FAM81A: variants seen among roughly 807,000 people sequenced by gnomAD.
FAM81A encodes the protein family with sequence similarity 81 member A.
FAM81A carries 19 observed loss-of-function variants against 46.7 expected under a neutral mutation model. The ratio of observed to expected loss-of-function variants is 0.41; its 90% confidence interval spans 0.28 to 0.60. The LOEUF (loss-of-function observed/expected upper bound fraction) is 0.60. Among genes scored for constraint, FAM81A ranks in the 20% least tolerant of loss-of-function variants. The probability of loss-of-function intolerance (pLI) is 0.34; values close to 1 mark genes in which losing one functional copy is unlikely to be tolerated. For missense variants in FAM81A, 377 were observed against 453.5 expected (o/e 0.83, Z 1.53); for synonymous variants, 183 against 152.9 (o/e 1.20, Z -1.45).
chr15:59,459,833 T>G, intron 2 of FAM81A, 100 bp from the exon 3 acceptor site: 2 of 1,427,732 alleles, frequency 1.4e-6, no homozygotes. Context: ...AGCTTGTAGT[T>G]ATAGATAATT....
chr15:59,505,553 T>C (rs113527606), intron 4 of FAM81A, among the ~76,000 whole-genome samples: 1,719 of 151,946 alleles, frequency 0.011, 40 homozygotes, highest in African/African-American at 0.04. Context: ...ATTGATCATC[T>C]TAGCCACCTA....
chr15:59,486,993 A>G (rs1319612751), intron 3 of FAM81A, among the ~76,000 whole-genome samples: 2 of 151,940 alleles, frequency 1.3e-5, no homozygotes, highest in Non-Finnish European at 2.9e-5. Context: ...GCAGAATATT[A>G]TAATACTGTA....
chr15:59,488,593 TACAGAAATTAG>T (rs1336563403), intron 3 of FAM81A, among the ~76,000 whole-genome samples: 3 of 152,194 alleles, frequency 2.0e-5, no homozygotes, highest in African/African-American at 7.2e-5. Flanking sequence ...AAAATCAACA[TACAGAAATTAG>T]TGGCATTTCT....
intron 1 of FAM81A, among the ~76,000 whole-genome samples, chr15:59,398,736 C>CTGG (rs1650694947): frequency 9.3e-6 from 1 of 107,972 alleles, no homozygotes; most frequent in Non-Finnish European, 1.7e-5. Flanking sequence ...CCAGCCTGGG[C>CTGG]AACAGAGTGA....
chr15:59,479,657 G>A (rs1291797237), intron 3 of FAM81A, among the ~76,000 whole-genome samples: 2 of 151,994 alleles, frequency 1.3e-5, no homozygotes, highest in African/African-American at 2.4e-5. Context: ...ACTCCAGAGC[G>A]AGGGCAGTTC....
intron 2 of FAM81A, among the ~76,000 whole-genome samples, chr15:59,412,871 T>C (rs1185710943): frequency 3.3e-5 from 5 of 152,180 alleles, no homozygotes; most frequent in Admixed American, 1.3e-4. Context: ...TCTGTTGACA[T>C]TAAAATTAGC....
intron 3 of FAM81A, among the ~76,000 whole-genome samples, chr15:59,485,180 G>C (rs2081902534): frequency 6.6e-6 from 1 of 152,162 alleles, no homozygotes; most frequent in Non-Finnish European, 1.5e-5. Flanking sequence ...CGTGGAGCCT[G>C]GGGGAACTCA....
chr15:59,513,997 G>A (rs751168479), intron 6 of FAM81A, among the ~76,000 whole-genome samples: 99 of 150,780 alleles, frequency 6.6e-4, no homozygotes, highest in Middle Eastern at 3.4e-3. Flanking sequence ...AACACCACAT[G>A]TTCTTACTTA....
intron 1 of FAM81A, among the ~76,000 whole-genome samples, chr15:59,456,776 A>G (rs2081490341): frequency 1.3e-5 from 2 of 152,062 alleles, no homozygotes; most frequent in Non-Finnish European, 2.9e-5. Context: ...GGATTTCGCC[A>G]TGTTGCCCAG....
chr15:59,456,837 C>G (rs2081491181), intron 1 of FAM81A, among the ~76,000 whole-genome samples: 1 of 152,304 alleles, frequency 6.6e-6, no homozygotes, highest in East Asian at 1.9e-4. Flanking sequence ...AATCCTCCAA[C>G]TTTGGCCTCC....
chr15:59,409,410 A>G (rs947190173), intron 2 of FAM81A, among the ~76,000 whole-genome samples: 1 of 152,142 alleles, frequency 6.6e-6, no homozygotes, highest in Admixed American at 6.5e-5. Context: ...GAGAGAAAAC[A>G]ATACCCCCTA....
At chr15:59,418,892 T>A (rs1294757642) in intron 2 of FAM81A, among the ~76,000 whole-genome samples, 2 of 152,230 alleles carry the variant, frequency 1.3e-5, no homozygotes. Context: ...GCCCTGTCCA[T>A]TGATATACAA....
intron 2 of FAM81A, among the ~76,000 whole-genome samples, chr15:59,430,372 C>G (rs1245347898): frequency 7.0e-6 from 1 of 142,808 alleles, no homozygotes; most frequent in Non-Finnish European, 1.5e-5. Flanking sequence ...TCAAGCAATT[C>G]TCCTGCCTCA....
Position 59,460,045 on chromosome 15 carries a change from G to C in FAM81A, c.133G>C (p.Ala45Pro), listed in dbSNP as rs1181338730. The C allele has an allele frequency of 1.2e-6, 2 of 1,613,874 alleles. No homozygotes were observed. The highest frequency in any genetic ancestry group is 1.7e-6 in the Non-Finnish European group (2 of 1,179,878). The change falls in exon 3 of 9, where the codon GCC becomes CCC. Residue 45 changes from alanine to proline, a missense_variant. By Grantham distance (27) the Ala-to-Pro change is conservative. Transcript: ENST00000288228. This position sits in a 1 kb window ranked among gnomAD's most constrained non-coding sequence, Gnocchi z 4.4. ...GATCCTCTGCCATGAGAAAACCACC[G>C]CCGCCCTCGTAGAGCACGCCTTTCG... Reference protein sequence around the residue: ...DRILCHEKTTAALVEHAFRIK... With the variant: ...DRILCHEKTTPALVEHAFRIK...
intron 3 of FAM81A, among the ~76,000 whole-genome samples, chr15:59,489,199 A>G (rs2081954382): frequency 6.6e-6 from 1 of 152,176 alleles, no homozygotes; most frequent in Middle Eastern, 3.4e-3. Flanking sequence ...TGGGAGGCGG[A>G]GGTTGCAGTG....
At chr15:59,451,811 C>T (rs1438671620) in intron 1 of FAM81A, among the ~76,000 whole-genome samples, 1 of 152,122 alleles carries the variant, frequency 6.6e-6, no homozygotes, top group African/African-American at 2.4e-5. Flanking sequence ...GTATACCATC[C>T]TCCTTTCTGG....
At chr15:59,440,851 G>A (rs1171056929) in intron 1 of FAM81A, among the ~76,000 whole-genome samples, 15 of 151,972 alleles carry the variant, frequency 9.9e-5, no homozygotes, top group African/African-American at 3.6e-4. Context: ...AATGTGTTGG[G>A]CTTCTTATAT....
chr15:59,458,677 G>A (rs1189689265), intron 2 of FAM81A, 31 bp downstream of exon 2: 2 of 1,586,102 alleles, frequency 1.3e-6, no homozygotes, highest in Admixed American at 3.3e-5. Flanking sequence ...CATCCCATGG[G>A]GGCTGCTAGT....
intron 4 of FAM81A, among the ~76,000 whole-genome samples, chr15:59,505,800 G>A (rs983364621): frequency 3.9e-5 from 6 of 152,124 alleles, no homozygotes; most frequent in African/African-American, 1.4e-4. Context: ...GAGACAAAGA[G>A]CATTTACAAG....
Sources: gnomAD v4.1 joint callset for allele counts (sites outside exome capture counted in the v4.1 genomes callset) on GRCh38, gnomAD v4.1.1 for gene constraint, Gnocchi (gnomAD v3.1) non-coding constraint, MANE v1.5 for transcripts, NCBI Gene and HGNC (gene_info 2026-07-23, HGNC 2026-07-21) for gene names.